Variants in BLTP1 observed in about 807,000 individuals in gnomAD.
BLTP1 encodes bridge-like lipid transfer protein family member 1, also known as fragile site-associated protein.
At chr4:122,176,899 A>C in the BLTP1 span, among the ~76,000 whole-genome samples, 1 of 152,194 alleles carries the variant, frequency 6.6e-6, no homozygotes, top group Admixed American at 6.6e-5. Context: ...CTGTAGTTTA[A>C]ATCTTAAACA....
the BLTP1 span, chr4:122,362,486 T>C: frequency 3.3e-6 from 1 of 305,450 alleles, no homozygotes; most frequent in Non-Finnish European, 6.1e-6. Flanking sequence ...TTATGGTTTA[T>C]AATTATATAA....
chr4:122,245,077 T>G, the BLTP1 span: 2 of 1,612,308 alleles, frequency 1.2e-6, no homozygotes, highest in Non-Finnish European at 1.7e-6. Flanking sequence ...CAATTGTAGA[T>G]GATCTTCATG....
chr4:122,257,117 A>G, the BLTP1 span: 1 of 896,344 alleles, frequency 1.1e-6, no homozygotes, highest in Non-Finnish European at 1.7e-6. Flanking sequence ...ACTTTGAACA[A>G]ATTACTTAAC....
the BLTP1 span, chr4:122,162,412 A>G: frequency 2.7e-3 from 1,187 of 444,922 alleles, 13 homozygotes; most frequent in African/African-American, 0.024. Flanking sequence ...CAGAGGAGCC[A>G]TGAAGCCCTG....
At chr4:122,262,863 C>A in the BLTP1 span, 2 of 1,613,928 alleles carry the variant, frequency 1.2e-6, no homozygotes, top group Non-Finnish European at 1.7e-6. Context: ...AAAGGACAGT[C>A]CAAGGAAGGA....
the BLTP1 span, chr4:122,238,247 C>A: frequency 6.2e-7 from 1 of 1,613,976 alleles, no homozygotes. Flanking sequence ...TGCTGCACAG[C>A]CTTTGTTGGC....
At chr4:122,316,581 T>G in the BLTP1 span, 1 of 1,020,102 alleles carries the variant, frequency 9.8e-7, no homozygotes, top group Non-Finnish European at 1.5e-6. Flanking sequence ...CCTTATGAAA[T>G]TGAAGGGATT....
chr4:122,341,128 C>T, the BLTP1 span, among the ~76,000 whole-genome samples: 2 of 152,186 alleles, frequency 1.3e-5, no homozygotes, highest in East Asian at 1.9e-4. Flanking sequence ...CTAAAATCAA[C>T]ATCTTTGTAT....
the BLTP1 span, chr4:122,277,517 A>G: frequency 1.0e-6 from 1 of 958,730 alleles, no homozygotes; most frequent in Non-Finnish European, 1.2e-6. Context: ...GCAAGTGTCT[A>G]TTTTAATCTC....
chr4:122,264,551 GC>G, the BLTP1 span: 1 of 762,580 alleles, frequency 1.3e-6, no homozygotes. Flanking sequence ...TCTGCCTACA[GC>G]CTTCATGCAA....
At chr4:122,242,891 A>G in the BLTP1 span, 7,941 of 719,780 alleles carry the variant, frequency 0.011, 476 homozygotes, top group African/African-American at 0.13. Flanking sequence ...TTTATATCAA[A>G]TATATCAAAA....
At chr4:122,328,282 C>A in the BLTP1 span, 1 of 1,610,506 alleles carries the variant, frequency 6.2e-7, no homozygotes, top group Non-Finnish European at 8.5e-7. Flanking sequence ...TTGTCTTCTA[C>A]CAGTGAAGAT....
the BLTP1 span, chr4:122,247,098 G>A: frequency 6.6e-7 from 1 of 1,521,730 alleles, no homozygotes; most frequent in Non-Finnish European, 9.0e-7. Context: ...TTAGGTAAAT[G>A]TTTTCTCTGA....
chr4:122,351,590 C>G, the BLTP1 span, among the ~76,000 whole-genome samples: 1 of 152,106 alleles, frequency 6.6e-6, no homozygotes, highest in Non-Finnish European at 1.5e-5. Flanking sequence ...TAGCACAGTT[C>G]ATTTTTTATA....
chr4:122,210,235 T>C, the BLTP1 span: 28 of 166,382 alleles, frequency 1.7e-4, no homozygotes, highest in East Asian at 2.7e-3. Context: ...AGTAATATTC[T>C]CAAAGTCTGC....
the BLTP1 span, among the ~76,000 whole-genome samples, chr4:122,310,365 T>C: frequency 6.6e-6 from 1 of 152,134 alleles, no homozygotes; most frequent in African/African-American, 2.4e-5. Context: ...GCTTGTGTAA[T>C]AAAAGACCAA....
the BLTP1 span, chr4:122,362,454 G>A: frequency 2.5e-6 from 1 of 403,690 alleles, no homozygotes; most frequent in Non-Finnish European, 4.4e-6. Context: ...TGAAAAACTA[G>A]ATTAAAATAT....
chr4:122,154,484 AAGC>A, the BLTP1 span: 1 of 985,174 alleles, frequency 1.0e-6, no homozygotes, highest in Non-Finnish European at 1.2e-6. Flanking sequence ...TGGCAGGAGA[AAGC>A]AGGGAAATCC....
At chr4:122,249,943 T>C in the BLTP1 span, 1 of 982,522 alleles carries the variant, frequency 1.0e-6, no homozygotes, top group African/African-American at 1.7e-5. Context: ...AAATAAAATA[T>C]AAAGCCACCC....
Sources: allele counts gnomAD v4.1 joint callset (sites outside exome capture counted in the v4.1 genomes callset), GRCh38; gene constraint gnomAD v4.1.1; transcripts MANE v1.5; gene names NCBI Gene and HGNC (gene_info 2026-07-23, HGNC 2026-07-21).